The following CRY1 variants were observed in gnomAD, a reference collection of about 807,000 sequenced individuals.
CRY1 encodes cryptochrome-1.
A neutral mutation model predicts 76.0 loss-of-function variants in CRY1; 45 were observed. That is an observed-to-expected ratio of 0.59 (90% CI 0.47 to 0.76). The LOEUF (loss-of-function observed/expected upper bound fraction) is 0.76. Ranked by LOEUF, CRY1 falls within the 30% of genes least tolerant of loss-of-function variation. CRY1 has a pLI of 0.00. For synonymous variants in CRY1, 248 were observed against 244.0 expected, an observed-to-expected ratio of 1.02 and a Z score of -0.15; for missense variants, 587 against 716.4, an observed-to-expected ratio of 0.82 and a Z score of 2.06.
At chr12:107,051,498 A>G (rs1952920162) in intron 1 of CRY1, among the ~76,000 whole-genome samples, 1 of 152,198 alleles carries the variant, frequency 6.6e-6, no homozygotes, top group African/African-American at 2.4e-5. Flanking sequence ...AAATAAGAAG[A>G]TACAGAATTC....
chr12:107,062,369 T>G (rs2136884936), intron 1 of CRY1, among the ~76,000 whole-genome samples: 1 of 152,310 alleles, frequency 6.6e-6, no homozygotes, highest in East Asian at 1.9e-4. Context: ...TAATCATGAT[T>G]AGGAAGCAAA....
At chr12:107,003,387 A>G (rs1017954577) in intron 3 of CRY1, among the ~76,000 whole-genome samples, 3 of 152,092 alleles carry the variant, frequency 2.0e-5, no homozygotes, top group African/African-American at 7.2e-5. Context: ...GTGAAATCCA[A>G]CTCCATCATT....
At chr12:107,002,785 T>A (rs1444269009) in intron 3 of CRY1, among the ~76,000 whole-genome samples, 1 of 152,176 alleles carries the variant, frequency 6.6e-6, no homozygotes, top group Non-Finnish European at 1.5e-5. Context: ...GGGCAGGTCT[T>A]TCCCGTGCTG....
At chr12:107,027,976 A>C (rs1400121801) in intron 1 of CRY1, among the ~76,000 whole-genome samples, 3 of 152,212 alleles carry the variant, frequency 2.0e-5, no homozygotes, top group Non-Finnish European at 4.4e-5. Context: ...AGTTTGTAAA[A>C]TATATCTTAC....
chr12:107,052,987 C>G (rs1158705553), intron 1 of CRY1, among the ~76,000 whole-genome samples: 1 of 152,134 alleles, frequency 6.6e-6, no homozygotes, highest in Non-Finnish European at 1.5e-5. Context: ...ACCAGAGAAT[C>G]TGAAGGGAAA....
chr12:107,009,948 T>C (rs1357180216), intron 2 of CRY1, among the ~76,000 whole-genome samples: 2 of 151,982 alleles, frequency 1.3e-5, no homozygotes, highest in East Asian at 1.9e-4. Flanking sequence ...AAGAGTTTAA[T>C]TTAAGAAGGA....
intron 2 of CRY1, 60 bp from the exon 3 acceptor site, chr12:107,005,308 A>C (rs1952360710): frequency 6.6e-7 from 1 of 1,514,842 alleles, no homozygotes; most frequent in African/African-American, 1.4e-5. Flanking sequence ...TTTCTATTAT[A>C]ACGAAAAGTG....
chr12:107,079,879 G>A (rs573458617), intron 1 of CRY1, among the ~76,000 whole-genome samples: 4 of 152,180 alleles, frequency 2.6e-5, no homozygotes, highest in South Asian at 4.2e-4. Flanking sequence ...AGGTTTTAAA[G>A]CATAAATGAC....
At chr12:107,005,562 A>G (rs947286292) in intron 2 of CRY1, among the ~76,000 whole-genome samples, 31 of 152,212 alleles carry the variant, frequency 2.0e-4, no homozygotes, top group African/African-American at 7.0e-4. Flanking sequence ...ATTTCATTTG[A>G]GCCTCAAAAC....
chr12:107,022,285 T>C (rs894021884), intron 1 of CRY1, 93 bp from the exon 2 acceptor site: 1 of 680,686 alleles, frequency 1.5e-6, no homozygotes. Flanking sequence ...AAAGTTGAAA[T>C]GCCAACCTAT....
intron 1 of CRY1, among the ~76,000 whole-genome samples, chr12:107,047,191 T>A (rs1456043260): frequency 6.6e-6 from 1 of 152,148 alleles, no homozygotes; most frequent in Non-Finnish European, 1.5e-5. Flanking sequence ...CTGACCACAA[T>A]GGAATAAAAT....
At chr12:107,069,482 T>C (rs576239041) in intron 1 of CRY1, among the ~76,000 whole-genome samples, 42 of 148,100 alleles carry the variant, frequency 2.8e-4, no homozygotes, top group Non-Finnish European at 5.9e-4. Flanking sequence ...TCCTAATGAC[T>C]AATGGTGTTG....
chr12:107,070,666 TTTTATTTA>T (rs376585116), intron 1 of CRY1, among the ~76,000 whole-genome samples: 6,003 of 139,628 alleles, frequency 0.043, 141 homozygotes, highest in African/African-American at 0.051. Context: ...ATTCTCTTAT[TTTTATTTA>T]TTTATTTATT....
At chr12:107,074,466 A>T (rs953446697) in intron 1 of CRY1, among the ~76,000 whole-genome samples, 1 of 152,232 alleles carries the variant, frequency 6.6e-6, no homozygotes. Flanking sequence ...TAAAAATGGC[A>T]AAAGTAACCA....
rs368453961 is a variant in CRY1, at chr12:107,007,131, G to A, written c.268-1883C>T. Among the ~76,000 whole-genome samples the A allele has an allele frequency of 5.9e-5, 9 of 152,282 alleles. 1 individual carries two copies. The highest frequency in any genetic ancestry group is 2.2e-4 in the African/African-American group (9 of 41,556). Reference sequence around the variant, plus strand: ...TCTGCTGCATTGCTCAGATTTGTTAGTACGAACTTGCTATTTTTGAAATTT... The same window carrying A: ...TCTGCTGCATTGCTCAGATTTGTTAATACGAACTTGCTATTTTTGAAATTT... On this transcript the variant is annotated intron_variant, in intron 2 of 12. Coordinates refer to ENST00000008527, the MANE Select transcript of CRY1 (RefSeq NM_004075.5).
intron 1 of CRY1, among the ~76,000 whole-genome samples, chr12:107,058,609 T>G (rs912817828): frequency 1.3e-5 from 2 of 152,200 alleles, no homozygotes; most frequent in African/African-American, 4.8e-5. Flanking sequence ...AATAAAAAAC[T>G]GAATTACTAA....
At chr12:107,012,097 G>A (rs1367070527) in intron 2 of CRY1, among the ~76,000 whole-genome samples, 2 of 152,214 alleles carry the variant, frequency 1.3e-5, no homozygotes, top group African/African-American at 4.8e-5. Context: ...GGCTGAGGCA[G>A]GAGAATCAAT....
intron 1 of CRY1, among the ~76,000 whole-genome samples, chr12:107,084,152 T>C (rs985065426): frequency 2.0e-5 from 3 of 152,148 alleles, no homozygotes; most frequent in South Asian, 2.1e-4. Context: ...CAAGGAGAAC[T>C]ACAAACCACT....
At chr12:107,008,091 G>A (rs542081226) in intron 2 of CRY1, among the ~76,000 whole-genome samples, 294 of 152,232 alleles carry the variant, frequency 1.9e-3, no homozygotes, top group Admixed American at 2.7e-3. Context: ...AGCACCTCCC[G>A]CAGTGTGGGC....
Sources: gnomAD v4.1 joint callset for allele counts (sites outside exome capture counted in the v4.1 genomes callset) on GRCh38, gnomAD v4.1.1 for gene constraint, MANE v1.5 for transcripts, NCBI Gene and HGNC (gene_info 2026-07-23, HGNC 2026-07-21) for gene names.